Variants in MTA3 observed in about 807,000 individuals in gnomAD.
MTA3 encodes the protein metastasis-associated protein MTA3.
MTA3 carries 34 observed loss-of-function variants against 83.5 expected under a neutral mutation model. The ratio of observed to expected loss-of-function variants is 0.41; its 90% CI spans 0.31 to 0.54. MTA3 has a LOEUF of 0.54. MTA3 is among the 20% of genes least tolerant of loss of function. The probability of loss-of-function intolerance (pLI) is 0.33; values close to 1 mark genes in which losing one functional copy is unlikely to be tolerated. For missense variants in MTA3, 761 were observed against 726.4 expected, an observed-to-expected ratio of 1.05 and a Z score of -0.55; for synonymous variants, 303 against 252.7, an observed-to-expected ratio of 1.20 and a Z score of -1.89.
chr2:42,688,171 G>A (rs554589953), intron 9 of MTA3, among the ~76,000 whole-genome samples: 1 of 152,298 alleles, frequency 6.6e-6, no homozygotes, highest in East Asian at 1.9e-4. Context: ...CCTGGGCCCA[G>A]GTGATCCTCC....
At chr2:42,644,038 T>C in intron 5 of MTA3, 89 bp from the exon 6 acceptor site, 1 of 738,628 alleles carries the variant, frequency 1.4e-6, no homozygotes, top group East Asian at 2.9e-5. Flanking sequence ...CTCTGGGGTT[T>C]ATATGTTCAT....
At chr2:42,736,360 C>T (rs1365034201) in intron 16 of MTA3, among the ~76,000 whole-genome samples, 1 of 152,186 alleles carries the variant, frequency 6.6e-6, no homozygotes, top group Non-Finnish European at 1.5e-5. Flanking sequence ...TGGCGACTAC[C>T]ACTGGGACAG....
At chr2:42,632,941 A>G (rs1044525464) in intron 4 of MTA3, among the ~76,000 whole-genome samples, 1 of 151,462 alleles carries the variant, frequency 6.6e-6, no homozygotes, top group African/African-American at 2.4e-5. Context: ...AGATTTCCAG[A>G]TTTAATTCTC....
At chr2:42,653,090 G>GT (rs565601917) in intron 6 of MTA3, among the ~76,000 whole-genome samples, 103 of 152,306 alleles carry the variant, frequency 6.8e-4, no homozygotes, top group African/African-American at 2.4e-3. Flanking sequence ...TAACTGGAGG[G>GT]TTAGGGCTAA....
intron 5 of MTA3, among the ~76,000 whole-genome samples, chr2:42,641,772 A>T (rs1687716392): frequency 1.3e-5 from 2 of 152,156 alleles, no homozygotes; most frequent in African/African-American, 2.4e-5. Context: ...AGGCTGAGGC[A>T]GGAGAATACC....
intron 2 of MTA3, among the ~76,000 whole-genome samples, chr2:42,540,367 G>A (rs774454399): frequency 1.6e-4 from 24 of 150,910 alleles, no homozygotes; most frequent in Non-Finnish European, 2.7e-4. Context: ...TAGAGATGGG[G>A]TCTTCTATGT....
chr2:42,581,387 G>A (rs973301882), intron 3 of MTA3, among the ~76,000 whole-genome samples: 18 of 102,306 alleles, frequency 1.8e-4, no homozygotes, highest in African/African-American at 6.7e-4. Flanking sequence ...TTTTTTTTTC[G>A]GAGACAGGGT....
intron 3 of MTA3, among the ~76,000 whole-genome samples, chr2:42,605,942 G>A (rs1479231018): frequency 3.5e-5 from 1 of 28,902 alleles, no homozygotes; most frequent in Admixed American, 2.8e-4. Flanking sequence ...TCACCTCCCC[G>A]ACGGGGCGGC....
chr2:42,530,646 G>A (rs1281646653), intron 2 of MTA3, among the ~76,000 whole-genome samples: 1 of 150,906 alleles, frequency 6.6e-6, no homozygotes, highest in East Asian at 2.0e-4. Context: ...TTAGCTGGGC[G>A]TAGTGGCGCA....
intron 3 of MTA3, among the ~76,000 whole-genome samples, chr2:42,580,838 C>T (rs6544567): frequency 0.74 from 112,757 of 152,076 alleles, 42,068 homozygotes; most frequent in South Asian, 0.88. Context: ...TCAAGTGATC[C>T]GCCCAGCTTG....
At chr2:42,548,839 T>TA (rs1558428318) in intron 2 of MTA3, among the ~76,000 whole-genome samples, 1 of 11,694 alleles carries the variant, frequency 8.6e-5, no homozygotes, top group African/African-American at 2.6e-4. Flanking sequence ...AATATATATA[T>TA]ATATATAATA....
chr2:42,549,399 A>G (rs1193152297), intron 2 of MTA3, among the ~76,000 whole-genome samples: 2 of 118,424 alleles, frequency 1.7e-5, no homozygotes, highest in Non-Finnish European at 1.6e-5. Context: ...TATATTATAT[A>G]TACGTATATA....
Position 42,609,529 on chromosome 2 carries a change from C to G in MTA3, c.262C>G (p.His88Asp). The part of the protein sequence containing the change: ...LTDKQKHQLK[H>D]RELFLSRQYE... ...CGATAAGCAGAAACATCAGTTGAAA[C>G]ATAGGGAACTCTTTTTGTCACGCCA... The change falls in exon 4 of 17, where the codon CAT (histidine) becomes GAT (aspartate). Residue 88 changes from histidine (H) to aspartate (D), a missense_variant. Physicochemically the swap from His to Asp is moderately conservative, Grantham distance 81. Transcript: ENST00000405094. 1 of 1,613,812 alleles carries G rather than the reference C, an allele frequency of 6.2e-7. No homozygotes were observed.
At chr2:42,701,461 G>A (rs1179628461) in intron 11 of MTA3, among the ~76,000 whole-genome samples, 11 of 151,214 alleles carry the variant, frequency 7.3e-5, no homozygotes, top group African/African-American at 2.7e-4. Flanking sequence ...GCCAGGCATG[G>A]TGGCACACAC....
chr2:42,548,769 C>A (rs1676876139), intron 2 of MTA3, among the ~76,000 whole-genome samples: 1 of 126,184 alleles, frequency 7.9e-6, no homozygotes, highest in African/African-American at 3.2e-5. Context: ...CCCCATGGCA[C>A]TGCAGCCTGG....
Position 42,568,649 on chromosome 2 carries a change from ACGGCGGCGG to A in MTA3, c.-92_-84del. 9.5e-6 allele frequency: 6 copies of A among 630,826 alleles called. No homozygotes were observed. In the South Asian group the frequency reaches 2.8e-4, roughly 30 times the overall value. 39.1% of individuals were successfully genotyped at this position (630,826 alleles called of 1,614,324 possible). ...TCCCCCCCGTGGCGAGGCAGCAGCGACGGCGGCGGCGGCAGCGGCGGTCGCGGCTGAGGC... is the reference window on the plus strand; with the variant it reads ...TCCCCCCCGTGGCGAGGCAGCAGCGACGGCAGCGGCGGTCGCGGCTGAGGC... On this transcript the variant is annotated 5_prime_UTR_variant, in exon 1 of 17. Transcript: ENST00000405094.
chr2:42,675,786 C>T (rs1558571138), intron 8 of MTA3, among the ~76,000 whole-genome samples: 1 of 152,120 alleles, frequency 6.6e-6, no homozygotes, highest in Non-Finnish European at 1.5e-5. Context: ...ATTTTCTCTA[C>T]TGGATTTTGT....
intron 8 of MTA3, among the ~76,000 whole-genome samples, chr2:42,662,350 C>A (rs1689798609): frequency 6.6e-6 from 1 of 151,354 alleles, no homozygotes; most frequent in Admixed American, 6.6e-5. Flanking sequence ...TTATATATTT[C>A]TTGTGTCTTG....
intron 4 of MTA3, among the ~76,000 whole-genome samples, chr2:42,609,982 C>A (rs1683989479): frequency 6.6e-6 from 1 of 152,124 alleles, no homozygotes; most frequent in East Asian, 1.9e-4. Flanking sequence ...CACCTGTAAT[C>A]CTAGCCACTC....
Sources: allele counts gnomAD v4.1 joint callset (sites outside exome capture counted in the v4.1 genomes callset), GRCh38; gene constraint gnomAD v4.1.1; transcripts MANE v1.5; gene names NCBI Gene and HGNC (gene_info 2026-07-23, HGNC 2026-07-21).